The following TTLL4 variants were observed in gnomAD, a reference collection of about 807,000 sequenced individuals.
The protein encoded by TTLL4 is tubulin tyrosine ligase like 4.
Under a neutral mutation model 122.7 loss-of-function variants are expected in TTLL4, and 85 were observed. That is an observed-to-expected ratio of 0.69 (90% CI 0.58 to 0.83). TTLL4 has a LOEUF of 0.83. Ranked by LOEUF, TTLL4 falls within the 40% of genes least tolerant of loss-of-function variation. The probability of loss-of-function intolerance (pLI) is 0.00; values close to 1 mark genes in which losing one functional copy is unlikely to be tolerated. For missense variants in TTLL4, 1,363 were observed against 1,488.6 expected, an observed-to-expected ratio of 0.92 and a Z score of 1.39; for synonymous variants, 553 against 563.0, an observed-to-expected ratio of 0.98 and a Z score of 0.25.
rs377293389 is a variant in TTLL4 at position 218,753,635 on chromosome 2, A to G, written c.3310A>G (p.Asn1104Asp). The change falls in exon 19 of 20, where the codon AAT (asparagine) becomes GAT (aspartate). Residue 1104 changes from asparagine to aspartate, a missense_variant. By Grantham distance (23) the Asn-to-Asp change is conservative. Coordinates refer to ENST00000392102, the MANE Select transcript of TTLL4 (RefSeq NM_014640.5). ...LTISKDDVIL[N>D]AFSKSETSKL... ...TATCTCAAAGGATGACGTGATACTC[A>G]ATGCCTTCAGCAAATCAGAGACTAG... The G allele has an allele frequency of 9.9e-6, 16 of 1,613,988 alleles. No homozygotes were observed. The highest frequency in any genetic ancestry group is 1.3e-5 in the African/African-American group (1 of 74,906).
chr2:218,739,699 T>A (rs1353164831), intron 3 of TTLL4, among the ~76,000 whole-genome samples: 1 of 152,254 alleles, frequency 6.6e-6, no homozygotes, highest in Non-Finnish European at 1.5e-5. Flanking sequence ...TCCTGGGAAC[T>A]TGGTCCACTA....
chr2:218,720,805 T>C (rs1942013899), intron 1 of TTLL4, among the ~76,000 whole-genome samples: 1 of 152,122 alleles, frequency 6.6e-6, no homozygotes, highest in Non-Finnish European at 1.5e-5. Flanking sequence ...AGCTGGGGAC[T>C]CCTGAATAGC....
intron 1 of TTLL4, among the ~76,000 whole-genome samples, chr2:218,711,541 TC>T (rs1387710864): frequency 6.6e-6 from 1 of 152,230 alleles, no homozygotes; most frequent in African/African-American, 2.4e-5. Context: ...ATTCATCAAT[TC>T]CTTTATTTAA....
downstream of TTLL4, among the ~76,000 whole-genome samples, chr2:218,759,613 C>T (rs1943203423): frequency 6.6e-6 from 1 of 152,122 alleles, no homozygotes; most frequent in Admixed American, 6.5e-5. Context: ...TGTATCTTGA[C>T]TGTGGTGGTG....
At chr2:218,722,395 T>C (rs959527271) in intron 1 of TTLL4, among the ~76,000 whole-genome samples, 1 of 151,196 alleles carries the variant, frequency 6.6e-6, no homozygotes, top group Admixed American at 6.6e-5. Context: ...AATATAAATA[T>C]ATAATAATTT....
At chr2:218,753,464 G>A in intron 18 of TTLL4, 120 bp from the exon 19 acceptor site, 1 of 1,042,072 alleles carries the variant, frequency 9.6e-7, no homozygotes, top group Non-Finnish European at 1.5e-6. Flanking sequence ...TGCCTGAGGG[G>A]TAGGGAAGGG....
At chr2:218,722,417 G>T (rs1402306274) in intron 1 of TTLL4, among the ~76,000 whole-genome samples, 7 of 151,322 alleles carry the variant, frequency 4.6e-5, no homozygotes, top group African/African-American at 1.7e-4. Flanking sequence ...AGATAGTGGA[G>T]GAATGAAATG....
chr2:218,748,143 T>G lies in TTLL4; in HGVS notation c.2417T>G (p.Met806Arg). Reference protein sequence around the residue: ...PSMKSLGNKFMHLTNYSVNKK... With the variant: ...PSMKSLGNKFRHLTNYSVNKK... ...ATGAAGAGCCTTGGCAATAAGTTCA[T>G]GCACCTGACCAACTACAGTGTCAAT... The change falls in exon 12 of 20, where the codon ATG becomes AGG. Residue 806 changes from methionine to arginine, a missense_variant. By Grantham distance (91) the Met-to-Arg change is moderately conservative. Transcript: ENST00000392102. 1 of 1,614,178 alleles carries G rather than the reference T, an allele frequency of 6.2e-7. No individual in the cohort carries two copies. Among genetic ancestry groups the G allele is most frequent in the Non-Finnish European group, 8.5e-7 (1 of 1,180,032 alleles).
intron 7 of TTLL4, 83 bp downstream of exon 7, chr2:218,745,884 G>T (rs975448359): frequency 4.6e-6 from 6 of 1,315,544 alleles, no homozygotes; most frequent in Admixed American, 3.8e-5. Context: ...TAGACACCTC[G>T]TGCCTATGTC....
intron 12 of TTLL4, chr2:218,748,622 T>C (rs1157044654): frequency 6.6e-6 from 3 of 452,290 alleles, no homozygotes; most frequent in Non-Finnish European, 1.1e-5. Context: ...GCCACTTCAC[T>C]CCAGCCTGTG....
chr2:218,736,835 G>A (rs1209572862), intron 2 of TTLL4, among the ~76,000 whole-genome samples: 1 of 147,020 alleles, frequency 6.8e-6, no homozygotes, highest in African/African-American at 2.5e-5. Context: ...TGTAAAATGA[G>A]TTTTTCAGAT....
At chr2:218,748,393 G>T in intron 12 of TTLL4, 166 bp downstream of exon 12, 1 of 1,141,840 alleles carries the variant, frequency 8.8e-7, no homozygotes, top group Admixed American at 2.8e-5. Flanking sequence ...GGTGGCTCAC[G>T]CCTGTAATCC....
At chr2:218,732,640 A>G (rs1290609709) in intron 2 of TTLL4, among the ~76,000 whole-genome samples, 1 of 150,862 alleles carries the variant, frequency 6.6e-6, no homozygotes, top group African/African-American at 2.5e-5. Context: ...CAAGGTTCTC[A>G]CTTCCTTCAC....
intron 2 of TTLL4, among the ~76,000 whole-genome samples, chr2:218,732,801 C>G (rs1302608175): frequency 6.6e-6 from 1 of 152,186 alleles, no homozygotes; most frequent in Non-Finnish European, 1.5e-5. Context: ...GCCTCTGCCT[C>G]CCAACCATTT....
At position 218,710,838 on chromosome 2, in the gene TTLL4, TTCTTCCA is replaced by T; in HGVS notation, c.-376_-370del. ...TTCCCCGCGCTTGCCTCCCGCCCTC[TTCTTCCA>T]GACTCTCGGTCTGTCCGCTGGGGGC... is the stretch of plus-strand genomic sequence containing the variant. On this transcript the variant is annotated 5_prime_UTR_variant, in exon 1 of 20. Transcript: ENST00000392102. 6.6e-6 allele frequency: 1 copy of T among 151,756 alleles called. No individual in the cohort carries two copies. Among genetic ancestry groups the T allele is most frequent in the Non-Finnish European group, 1.5e-5 (1 of 67,924 alleles). The allele number at this position is 151,756 out of a possible 1,614,324, so 9.4% of individuals were successfully genotyped here.
At chr2:218,733,966 A>G (rs1048911751) in intron 2 of TTLL4, among the ~76,000 whole-genome samples, 6 of 152,118 alleles carry the variant, frequency 3.9e-5, no homozygotes, top group African/African-American at 1.4e-4. Flanking sequence ...GCTTTTAGGG[A>G]CTTTCCACAA....
intron 6 of TTLL4, chr2:218,745,462 T>C (rs979086744): frequency 4.7e-6 from 3 of 642,944 alleles, no homozygotes; most frequent in Non-Finnish European, 8.1e-6. Context: ...GTTCATGCTC[T>C]TCAACCTTGT....
intron 2 of TTLL4, among the ~76,000 whole-genome samples, chr2:218,735,711 C>T (rs945856151): frequency 2.6e-5 from 4 of 151,506 alleles, no homozygotes; most frequent in African/African-American, 4.9e-5. Flanking sequence ...CTCACTCTGT[C>T]ACCCAGGCTG....
rs955325644 is a variant in TTLL4 at position 218,737,851 on chromosome 2, C to G, written c.175C>G (p.Gln59Glu). 3 of 1,614,236 alleles carry G rather than the reference C, an allele frequency of 1.9e-6. No homozygotes were observed. Residue 59 changes from glutamine to glutamate, a missense_variant, in exon 3 of 20, where the codon CAA (glutamine) becomes GAA (glutamate). Gln to Glu is a conservative substitution (Grantham distance 29, BLOSUM62 2). Coordinates refer to ENST00000392102, the MANE Select transcript of TTLL4 (RefSeq NM_014640.5). Reference protein sequence around the residue: ...VKPIWKLEKKQVETLSAGLGP... With the variant: ...VKPIWKLEKKEVETLSAGLGP... Reference sequence around the variant, plus strand: ...GCCAATCTGGAAGCTGGAAAAGAAGCAAGTGGAGACACTGTCAGCAGGGTT... The same window carrying G: ...GCCAATCTGGAAGCTGGAAAAGAAGGAAGTGGAGACACTGTCAGCAGGGTT...
Sources: allele counts gnomAD v4.1 joint callset (sites outside exome capture counted in the v4.1 genomes callset), GRCh38; gene constraint gnomAD v4.1.1; transcripts MANE v1.5; gene names NCBI Gene and HGNC (gene_info 2026-07-23, HGNC 2026-07-21).